BICC1: variants seen among roughly 807,000 people sequenced by gnomAD.
The protein encoded by BICC1 is BicC family RNA binding protein 1.
A neutral mutation model predicts 111.0 loss-of-function variants in BICC1; 43 were observed. The observed-to-expected ratio is 0.39, with a 90% CI of 0.30 to 0.50. The LOEUF (loss-of-function observed/expected upper bound fraction) is 0.50. Among genes scored for constraint, BICC1 ranks in the 20% least tolerant of loss-of-function variants. The pLI is 0.88. For missense variants in BICC1, 1,091 were observed against 1,203.2 expected (o/e 0.91, Z 1.38); for synonymous variants, 467 against 434.4 (o/e 1.07, Z -0.93).
intron 20 of BICC1, among the ~76,000 whole-genome samples, chr10:58,826,879 G>A (rs1844415029): frequency 6.6e-6 from 1 of 152,200 alleles, no homozygotes; most frequent in Non-Finnish European, 1.5e-5. Context: ...CTATAAAGCT[G>A]CCCACCCTTG....
At chr10:58,561,280 CTCTT>C (rs1843596272) in intron 1 of BICC1, among the ~76,000 whole-genome samples, 1 of 151,880 alleles carries the variant, frequency 6.6e-6, no homozygotes, top group African/African-American at 2.4e-5. Flanking sequence ...CTGAATTGAT[CTCTT>C]TATCATTATA....
At chr10:58,703,610 AT>A (rs907287549) in intron 3 of BICC1, among the ~76,000 whole-genome samples, 1 of 152,176 alleles carries the variant, frequency 6.6e-6, no homozygotes, top group African/African-American at 2.4e-5. Context: ...TATATTCTTA[AT>A]TAATCTTCAG....
chr10:58,650,278 G>C (rs1161926738), intron 2 of BICC1: 1 of 152,128 alleles, frequency 6.6e-6, no homozygotes, highest in East Asian at 1.9e-4. Flanking sequence ...AACTCTAGCT[G>C]GTCATGTGGA....
At chr10:58,794,472 A>G (rs1220925080) in intron 9 of BICC1, among the ~76,000 whole-genome samples, 2 of 150,948 alleles carry the variant, frequency 1.3e-5, no homozygotes, top group Non-Finnish European at 2.9e-5. Context: ...AGGCTGGAGT[A>G]CAGTGGTGTG....
At chr10:58,826,932 G>A (rs1000176172) in intron 20 of BICC1, among the ~76,000 whole-genome samples, 2 of 152,182 alleles carry the variant, frequency 1.3e-5, no homozygotes, top group Non-Finnish European at 2.9e-5. Flanking sequence ...CAGTCTTTTG[G>A]TTGTAGCACA....
intron 3 of BICC1, among the ~76,000 whole-genome samples, chr10:58,783,550 T>C (rs1275290956): frequency 1.3e-5 from 2 of 152,132 alleles, no homozygotes; most frequent in Admixed American, 1.3e-4. Flanking sequence ...TCTCATGCCT[T>C]ATCCTAGAGA....
chr10:58,820,816 A>G (rs539035699), intron 20 of BICC1, among the ~76,000 whole-genome samples: 3 of 152,272 alleles, frequency 2.0e-5, no homozygotes, highest in Non-Finnish European at 1.5e-5. Flanking sequence ...GTGAATAATT[A>G]TTCTTGATTG....
intron 9 of BICC1, among the ~76,000 whole-genome samples, chr10:58,795,703 A>G (rs958665310): frequency 3.3e-5 from 5 of 152,094 alleles, no homozygotes; most frequent in Admixed American, 6.6e-5. Context: ...TCACATTTCA[A>G]ATTTTCTTGA....
chr10:58,529,265 A>G (rs1842621286), intron 1 of BICC1, among the ~76,000 whole-genome samples: 1 of 151,918 alleles, frequency 6.6e-6, no homozygotes, highest in African/African-American at 2.4e-5. Context: ...GATATCTAGC[A>G]TCTAAACCAC....
intron 3 of BICC1, among the ~76,000 whole-genome samples, chr10:58,703,509 T>C (rs1564564286): frequency 1.3e-5 from 2 of 152,190 alleles, no homozygotes; most frequent in Non-Finnish European, 2.9e-5. Context: ...ATTGGGAACT[T>C]ATATGCTAAA....
chr10:58,745,538 C>G (rs752938084), intron 3 of BICC1, among the ~76,000 whole-genome samples: 9 of 151,172 alleles, frequency 6.0e-5, no homozygotes, highest in Non-Finnish European at 1.3e-4. Context: ...AAAGCAGAAC[C>G]ATGTTCCCTT....
chr10:58,815,300 A>G (rs1166924464), intron 18 of BICC1, among the ~76,000 whole-genome samples: 2 of 152,206 alleles, frequency 1.3e-5, no homozygotes, highest in African/African-American at 4.8e-5. Flanking sequence ...TCTAAATAAG[A>G]AAGCACGGAC....
chr10:58,752,905 G>A (rs1260872631), intron 3 of BICC1, among the ~76,000 whole-genome samples: 1 of 152,136 alleles, frequency 6.6e-6, no homozygotes, highest in African/African-American at 2.4e-5. Context: ...GATGATGCAG[G>A]TGACCAGGGA....
chr10:58,772,127 A>G (rs1420526933), intron 3 of BICC1, among the ~76,000 whole-genome samples: 2 of 152,200 alleles, frequency 1.3e-5, no homozygotes, highest in African/African-American at 4.8e-5. Context: ...TGTAAAAGAC[A>G]GATAGAACTT....
intron 17 of BICC1, among the ~76,000 whole-genome samples, chr10:58,809,287 C>T (rs1437705405): frequency 6.6e-6 from 1 of 152,034 alleles, no homozygotes; most frequent in Non-Finnish European, 1.5e-5. Context: ...CTGCCCGCCT[C>T]GGTGTCCCAG....
At chr10:58,708,132 C>G (rs983868224) in intron 3 of BICC1, among the ~76,000 whole-genome samples, 3 of 149,034 alleles carry the variant, frequency 2.0e-5, no homozygotes, top group African/African-American at 7.5e-5. Context: ...GTGTGAGCCA[C>G]CGCGCCTAGC....
chr10:58,686,659 C>A (rs542941988), intron 2 of BICC1, among the ~76,000 whole-genome samples: 6 of 152,220 alleles, frequency 3.9e-5, no homozygotes, highest in African/African-American at 1.4e-4. Context: ...TTGATCAAAT[C>A]GGCTACTGAA....
At chr10:58,579,978 T>G (rs1478063316) in intron 1 of BICC1, among the ~76,000 whole-genome samples, 1 of 152,234 alleles carries the variant, frequency 6.6e-6, no homozygotes, top group East Asian at 1.9e-4. Flanking sequence ...TAAATTTTTT[T>G]TTTTTATTGT....
intron 10 of BICC1, among the ~76,000 whole-genome samples, chr10:58,798,193 A>G (rs1389048367): frequency 6.6e-6 from 1 of 151,898 alleles, no homozygotes; most frequent in African/African-American, 2.4e-5. Flanking sequence ...TCTGATAGCA[A>G]CTCTTTGTGG....
Sources: gnomAD v4.1 joint callset for allele counts (sites outside exome capture counted in the v4.1 genomes callset) on GRCh38, gnomAD v4.1.1 for gene constraint, MANE v1.5 for transcripts, NCBI Gene and HGNC (gene_info 2026-07-23, HGNC 2026-07-21) for gene names.